Variants in DSCAM observed in about 807,000 individuals in gnomAD.
The protein encoded by DSCAM is DS cell adhesion molecule, also known as cell adhesion molecule DSCAM.
A neutral mutation model predicts 217.7 loss-of-function variants in DSCAM; 47 were observed. That is an observed-to-expected ratio of 0.22 (90% CI 0.17 to 0.28). DSCAM has a LOEUF of 0.28. Among genes scored for constraint, DSCAM ranks in the 10% least tolerant of loss-of-function variants. The pLI, the probability that DSCAM is intolerant of heterozygous loss-of-function variation, is 1.00. For missense variants in DSCAM, 2,080 were observed against 2,618.3 expected (o/e 0.79, Z 4.49); for synonymous variants, 1,056 against 1,015.3 (o/e 1.04, Z -0.76).
At chr21:40,676,901 C>T (rs987136869) in intron 3 of DSCAM, among the ~76,000 whole-genome samples, 1 of 152,050 alleles carries the variant, frequency 6.6e-6, no homozygotes, top group African/African-American at 2.4e-5. Context: ...ATCCGGGCCT[C>T]GTGCTCCCTG....
At chr21:40,663,046 A>AGT (rs911919442) in intron 3 of DSCAM, among the ~76,000 whole-genome samples, 4 of 114,870 alleles carry the variant, frequency 3.5e-5, no homozygotes, top group African/African-American at 1.2e-4. Flanking sequence ...TGCACATGTG[A>AGT]GTGTGTGTGT....
At chr21:40,775,606 G>A (rs1300385702) in intron 1 of DSCAM, among the ~76,000 whole-genome samples, 1 of 152,190 alleles carries the variant, frequency 6.6e-6, no homozygotes, top group Non-Finnish European at 1.5e-5. Flanking sequence ...AGCTGGGACA[G>A]ATGTTTCTTC....
At chr21:40,785,529 A>T (rs541035554) in intron 1 of DSCAM, among the ~76,000 whole-genome samples, 8 of 152,234 alleles carry the variant, frequency 5.3e-5, no homozygotes, top group Non-Finnish European at 1.2e-4. Flanking sequence ...ACTTTCAATA[A>T]ATAAAGCATA....
intron 11 of DSCAM, among the ~76,000 whole-genome samples, chr21:40,202,231 C>T (rs2091077852): frequency 6.6e-6 from 1 of 152,220 alleles, no homozygotes; most frequent in Non-Finnish European, 1.5e-5. Flanking sequence ...TATTCAGATG[C>T]ATTTCCCAGA....
chr21:40,780,447 A>ATCTCTC (rs1555888079), intron 1 of DSCAM, among the ~76,000 whole-genome samples: 1 of 141,508 alleles, frequency 7.1e-6, no homozygotes, highest in East Asian at 2.2e-4. Context: ...ATATATATAT[A>ATCTCTC]TCTCCTGTTA....
chr21:40,284,362 GA>G (rs2073800289), intron 10 of DSCAM, among the ~76,000 whole-genome samples: 1 of 152,150 alleles, frequency 6.6e-6, no homozygotes, highest in African/African-American at 2.4e-5. Flanking sequence ...TAATATTTAT[GA>G]CACTGAAAGT....
At chr21:40,617,231 C>T (rs1408602453) in intron 3 of DSCAM, among the ~76,000 whole-genome samples, 1 of 147,068 alleles carries the variant, frequency 6.8e-6, no homozygotes, top group Non-Finnish European at 1.5e-5. Context: ...TCACGCCATT[C>T]TCCTGCCTCA....
At chr21:40,448,083 T>C (rs1263050321) in intron 3 of DSCAM, among the ~76,000 whole-genome samples, 1 of 152,242 alleles carries the variant, frequency 6.6e-6, no homozygotes. Context: ...CTGTGTTTTA[T>C]AGTCTGTTTA....
At chr21:40,713,689 G>A (rs1367986281) in intron 1 of DSCAM, among the ~76,000 whole-genome samples, 1 of 152,210 alleles carries the variant, frequency 6.6e-6, no homozygotes, top group Non-Finnish European at 1.5e-5. Flanking sequence ...TGGTGGTCAA[G>A]ATTTGGTATG....
chr21:40,705,022 A>G (rs1196024732), intron 2 of DSCAM, among the ~76,000 whole-genome samples: 1 of 152,228 alleles, frequency 6.6e-6, no homozygotes, highest in African/African-American at 2.4e-5. Flanking sequence ...TTGATCAGAT[A>G]TTAAGAGTGA....
chr21:40,542,284 G>A (rs1250942344), intron 3 of DSCAM, among the ~76,000 whole-genome samples: 1 of 152,214 alleles, frequency 6.6e-6, no homozygotes, highest in African/African-American at 2.4e-5. Context: ...ACTGTAATAA[G>A]AGAACATTTT....
intron 20 of DSCAM, among the ~76,000 whole-genome samples, chr21:40,097,960 AAGAAAGAAAGAAAGAAAGAAAGAAAG>A (rs1568939038): frequency 0.018 from 824 of 44,846 alleles, 165 homozygotes; most frequent in African/African-American, 0.092. Flanking sequence ...AAAAAAAAGA[AAGAAAGAAAGAAAGAAAGAAAGAAAG>A]AAAGAAAGAA....
intron 2 of DSCAM, among the ~76,000 whole-genome samples, chr21:40,696,042 T>C (rs1236065243): frequency 1.3e-5 from 2 of 152,080 alleles, no homozygotes; most frequent in Non-Finnish European, 2.9e-5. Context: ...GCTAACTTTG[T>C]TGCAGTAACA....
At chr21:40,245,743 T>C (rs1010578120) in intron 11 of DSCAM, among the ~76,000 whole-genome samples, 8 of 152,238 alleles carry the variant, frequency 5.3e-5, no homozygotes, top group South Asian at 2.1e-4. Context: ...ACCTCTGGTC[T>C]GCCATGGGCT....
intron 3 of DSCAM, among the ~76,000 whole-genome samples, chr21:40,608,088 C>A (rs1374343539): frequency 6.6e-6 from 1 of 152,110 alleles, no homozygotes; most frequent in Non-Finnish European, 1.5e-5. Flanking sequence ...AGAATTATCA[C>A]CTCTAAAGAG....
intron 1 of DSCAM, among the ~76,000 whole-genome samples, chr21:40,727,751 C>G (rs1006824549): frequency 6.6e-6 from 1 of 152,162 alleles, no homozygotes; most frequent in African/African-American, 2.4e-5. Context: ...TAAGATGGCT[C>G]AGGCCATCTC....
rs368111056 is a variant in DSCAM at position 40,824,793 on chromosome 21, G to A, written c.43+21826C>T. ...ATTCTGTGTCTCTCCCTCCACACCCGGGGACTTCCCTCATTTTCCTCTTTT... is the reference window on the plus strand; with the variant it reads ...ATTCTGTGTCTCTCCCTCCACACCCAGGGACTTCCCTCATTTTCCTCTTTT... On this transcript the variant is annotated intron_variant, in intron 1 of 32. Coordinates refer to ENST00000400454, the MANE Select transcript of DSCAM (RefSeq NM_001389.5). Among the ~76,000 whole-genome samples the A allele has an allele frequency of 2.6e-5, 4 of 152,142 alleles. No individual in the cohort carries two copies. The East Asian group carries it at 5.8e-4, about 22-fold the overall frequency.
chr21:40,521,882 T>C (rs1195285375), intron 3 of DSCAM, among the ~76,000 whole-genome samples: 1 of 152,158 alleles, frequency 6.6e-6, no homozygotes. Flanking sequence ...AAATGATAAA[T>C]GTCTGAGGTG....
At chr21:40,236,255 G>A (rs1196043377) in intron 11 of DSCAM, among the ~76,000 whole-genome samples, 2 of 152,166 alleles carry the variant, frequency 1.3e-5, no homozygotes, top group African/African-American at 4.8e-5. Flanking sequence ...GTGGCCCAAA[G>A]AGGAAACTTA....
Sources: gnomAD v4.1 joint callset for allele counts (sites outside exome capture counted in the v4.1 genomes callset) on GRCh38, gnomAD v4.1.1 for gene constraint, MANE v1.5 for transcripts, NCBI Gene and HGNC (gene_info 2026-07-23, HGNC 2026-07-21) for gene names.